Variants in INPP4A observed in about 807,000 individuals in gnomAD.
INPP4A encodes inositol polyphosphate-4-phosphatase type I A.
INPP4A carries 33 observed loss-of-function variants against 119.8 expected under a neutral mutation model. The ratio of observed to expected loss-of-function variants is 0.28; its 90% confidence interval spans 0.21 to 0.37. The LOEUF (loss-of-function observed/expected upper bound fraction) is 0.37. Ranked by LOEUF, INPP4A falls within the 10% of genes least tolerant of loss-of-function variation. The pLI is 1.00. For missense variants in INPP4A, 956 were observed against 1,289.9 expected, an observed-to-expected ratio of 0.74 and a Z score of 3.97; for synonymous variants, 496 against 500.7, an observed-to-expected ratio of 0.99 and a Z score of 0.12.
chr2:98,581,349 C>T (rs1357222366), intron 24 of INPP4A, among the ~76,000 whole-genome samples: 1 of 151,982 alleles, frequency 6.6e-6, no homozygotes, highest in Non-Finnish European at 1.5e-5. Flanking sequence ...TCCTTTTTTC[C>T]TGTAACTGTG....
chr2:98,477,342 T>C (rs1172337945), intron 1 of INPP4A, among the ~76,000 whole-genome samples: 1 of 152,232 alleles, frequency 6.6e-6, no homozygotes, highest in Non-Finnish European at 1.5e-5. Context: ...TTGTCCTGAA[T>C]GGTGTGGTGG....
At chr2:98,501,556 T>C (rs1279951234) in intron 1 of INPP4A, among the ~76,000 whole-genome samples, 1 of 152,162 alleles carries the variant, frequency 6.6e-6, no homozygotes, top group African/African-American at 2.4e-5. Flanking sequence ...TCTCTGAACC[T>C]TGATGCCCTC....
intron 24 of INPP4A, among the ~76,000 whole-genome samples, chr2:98,582,313 G>A (rs1224482486): frequency 2.0e-5 from 3 of 152,208 alleles, no homozygotes; most frequent in Non-Finnish European, 2.9e-5. Context: ...CAAACAGTTT[G>A]CAGAATCCTA....
chr2:98,488,983 GTA>G lies in INPP4A; in HGVS notation c.-165-29980_-165-29979del, dbSNP rs1491175871. The stretch of plus-strand genomic sequence containing the variant: ...TGTGTGTGTGTGTGTGTGTGTGTGT[GTA>G]AATGGTGTAGTTTGTTGGCTGTCAG... On this transcript the variant is annotated intron_variant, in intron 1 of 24. Coordinates refer to ENST00000409851, the MANE Select transcript of INPP4A (RefSeq NM_001134225.2). Among the ~76,000 whole-genome samples, 205 of 136,842 alleles carry G rather than the reference GTA, an allele frequency of 1.5e-3. 2 individuals carry two copies. Among genetic ancestry groups the G allele is most frequent in the African/African-American group, 5.3e-3 (196 of 37,190 alleles). 89.8% of individuals were successfully genotyped at this position (136,842 alleles called of 152,430 possible).
At chr2:98,565,987 C>T (rs1405161200) in intron 20 of INPP4A, 42 bp from the exon 21 acceptor site, 10 of 1,582,790 alleles carry the variant, frequency 6.3e-6, no homozygotes, top group Non-Finnish European at 6.0e-6. Flanking sequence ...CTCGGTGGCC[C>T]TCTGGCCTCA....
chr2:98,508,932 G>A (rs370924674), intron 1 of INPP4A, among the ~76,000 whole-genome samples: 1 of 152,160 alleles, frequency 6.6e-6, no homozygotes, highest in African/African-American at 2.4e-5. Flanking sequence ...GAGGGGTCAT[G>A]TATGGGAACA....
intron 1 of INPP4A, among the ~76,000 whole-genome samples, chr2:98,477,683 C>T (rs188059036): frequency 1.2e-3 from 177 of 152,338 alleles, no homozygotes; most frequent in African/African-American, 4.2e-3. Flanking sequence ...TAGTGACTAT[C>T]CTTGTTCAAC....
chr2:98,453,901 G>T (rs1474065328), intron 1 of INPP4A, among the ~76,000 whole-genome samples: 2 of 152,052 alleles, frequency 1.3e-5, no homozygotes, highest in Non-Finnish European at 1.5e-5. Context: ...GAGGTCGGGG[G>T]TTCAAGACCA....
chr2:98,563,553 A>G lies in INPP4A; in HGVS notation c.1944A>G (p.Val648=), dbSNP rs769529834. The change falls in exon 18 of 25, where the codon GTA becomes GTG. Residue 648 remains valine, a synonymous_variant. Transcript: ENST00000409851. ...MMSDKAKKAM[V]FLLMQDSAPT... is the part of the protein sequence containing the mutation. ...GTGACAAGGCCAAGAAGGCCATGGT[A>G]TTCCTGCTCATGCAGGACAGCGCGC... 3.1e-6 allele frequency: 5 copies of G among 1,613,822 alleles called. No individual in the cohort carries two copies. In the Middle Eastern group the frequency reaches 4.9e-4, roughly 160 times the overall value.
intron 1 of INPP4A, among the ~76,000 whole-genome samples, chr2:98,454,175 TAA>T (rs1695690149): frequency 6.6e-6 from 1 of 152,116 alleles, no homozygotes; most frequent in African/African-American, 2.4e-5. Context: ...TATTTCTACA[TAA>T]GAGAGAGAGA....
chr2:98,538,390 C>T (rs1270469412), intron 8 of INPP4A, among the ~76,000 whole-genome samples: 2 of 152,206 alleles, frequency 1.3e-5, no homozygotes, highest in African/African-American at 2.4e-5. Context: ...CACACCTTCA[C>T]CTTTTCACAT....
chr2:98,497,803 G>A (rs1229488035), intron 1 of INPP4A, among the ~76,000 whole-genome samples: 2 of 152,178 alleles, frequency 1.3e-5, no homozygotes, highest in Admixed American at 6.5e-5. Flanking sequence ...TATGAGACAT[G>A]GAGTCAAAGG....
chr2:98,478,535 CT>C (rs1317067572), intron 1 of INPP4A, among the ~76,000 whole-genome samples: 1 of 152,212 alleles, frequency 6.6e-6, no homozygotes, highest in Non-Finnish European at 1.5e-5. Flanking sequence ...GAGCACACCC[CT>C]GATCCCTAGT....
intron 1 of INPP4A, among the ~76,000 whole-genome samples, chr2:98,478,274 TG>T (rs1413664794): frequency 6.6e-6 from 1 of 152,146 alleles, no homozygotes; most frequent in Non-Finnish European, 1.5e-5. Context: ...GCCCTGCTCT[TG>T]GTGGAGGCCT....
chr2:98,581,900 GTTC>G (rs1699365621), intron 24 of INPP4A: 1 of 1,333,090 alleles, frequency 7.5e-7, no homozygotes, highest in Non-Finnish European at 9.8e-7. Context: ...TTGACGTTTT[GTTC>G]TTCTGAACTG....
At chr2:98,527,753 A>G (rs934640107) in intron 4 of INPP4A, among the ~76,000 whole-genome samples, 9 of 152,234 alleles carry the variant, frequency 5.9e-5, no homozygotes, top group African/African-American at 2.2e-4. Flanking sequence ...TCTGGTATTT[A>G]AGGAAATATC....
chr2:98,541,912 T>C (rs1691534658), intron 10 of INPP4A, among the ~76,000 whole-genome samples: 1 of 152,224 alleles, frequency 6.6e-6, no homozygotes, highest in African/African-American at 2.4e-5. Context: ...ACAAGTGCTT[T>C]AGTTCAAGGG....
At chr2:98,491,154 G>A (rs953400628) in intron 1 of INPP4A, among the ~76,000 whole-genome samples, 8 of 152,214 alleles carry the variant, frequency 5.3e-5, no homozygotes, top group South Asian at 2.1e-4. Context: ...AAAAGGGGGC[G>A]GAGGAGGAGC....
chr2:98,549,071 GTGC>G, intron 13 of INPP4A: 1 of 1,038,800 alleles, frequency 9.6e-7, no homozygotes, highest in South Asian at 1.4e-5. Flanking sequence ...TTCCCCTGCG[GTGC>G]TGCCATGGTT....
Sources: allele counts gnomAD v4.1 joint callset (sites outside exome capture counted in the v4.1 genomes callset), GRCh38; gene constraint gnomAD v4.1.1; transcripts MANE v1.5; gene names NCBI Gene and HGNC (gene_info 2026-07-23, HGNC 2026-07-21).